Variants in SMOC1 observed in about 807,000 individuals in gnomAD.
SMOC1 encodes SPARC related modular calcium binding 1, also known as SPARC-related modular calcium-binding protein 1.
Under a neutral mutation model 56.3 loss-of-function variants are expected in SMOC1, and 22 were observed. The observed-to-expected ratio is 0.39, with a 90% CI of 0.28 to 0.56. The LOEUF (loss-of-function observed/expected upper bound fraction) is 0.56. Among genes scored for constraint, SMOC1 ranks in the 20% least tolerant of loss-of-function variants. The probability of loss-of-function intolerance (pLI) is 0.61; values close to 1 mark genes in which losing one functional copy is unlikely to be tolerated. For synonymous variants in SMOC1, 193 were observed against 215.0 expected (o/e 0.90, Z 0.89); for missense variants, 509 against 565.4 (o/e 0.90, Z 1.01).
chr14:69,991,396 A>G (rs1164765886), intron 5 of SMOC1, among the ~76,000 whole-genome samples: 9 of 152,220 alleles, frequency 5.9e-5, no homozygotes, highest in Non-Finnish European at 1.2e-4. Flanking sequence ...GCACAAATAT[A>G]TATACTGTTT....
At chr14:70,023,783 C>A (rs530218992) in intron 11 of SMOC1, among the ~76,000 whole-genome samples, 18 of 151,854 alleles carry the variant, frequency 1.2e-4, no homozygotes, top group Admixed American at 9.8e-4. Flanking sequence ...TATAATAGTT[C>A]AGCATGGTCG....
intron 1 of SMOC1, among the ~76,000 whole-genome samples, chr14:69,936,179 A>C (rs1055334718): frequency 1.3e-5 from 2 of 152,172 alleles, no homozygotes; most frequent in South Asian, 4.1e-4. Context: ...CTAAGGGCCC[A>C]TACAGGTTAC....
At chr14:69,916,905 G>C (rs530816787) in intron 1 of SMOC1, among the ~76,000 whole-genome samples, 1 of 152,358 alleles carries the variant, frequency 6.6e-6, no homozygotes, top group East Asian at 1.9e-4. Context: ...ATGAGAGCCA[G>C]AAGCCCAGTG....
At chr14:70,021,484 C>G (rs988985246) in intron 10 of SMOC1, among the ~76,000 whole-genome samples, 5 of 152,196 alleles carry the variant, frequency 3.3e-5, no homozygotes, top group Admixed American at 2.6e-4. Context: ...GTTTCCATGA[C>G]AGACTAAGCA....
chr14:69,879,914 G>A (rs1594782995), intron 1 of SMOC1, 137 bp downstream of exon 1: 2 of 754,004 alleles, frequency 2.7e-6, no homozygotes, highest in East Asian at 3.4e-5. Flanking sequence ...GTCCCCTGCG[G>A]GCTTGGTGAA....
intron 7 of SMOC1, among the ~76,000 whole-genome samples, chr14:70,000,748 G>A (rs923979292): frequency 6.6e-6 from 1 of 152,182 alleles, no homozygotes; most frequent in African/African-American, 2.4e-5. Context: ...ACCATGGTGA[G>A]CCATGCATGA....
chr14:69,965,404 T>TAATAATAATAATAATAATAATAAA lies in SMOC1; in HGVS notation c.379-10309_379-10308insTAATAATAATAATAATAATAAAAA, dbSNP rs761154559. ...ATAATAATAATAATAATAATAATAATAAAAAGATGACCAAAGGGATACCTG... is the reference window on the plus strand; with the variant it reads ...ATAATAATAATAATAATAATAATAATAATAATAATAATAATAATAATAAAAAAAAGATGACCAAAGGGATACCTG... On this transcript the variant is annotated intron_variant, in intron 3 of 11. Transcript: ENST00000361956. Among the ~76,000 whole-genome samples the TAATAATAATAATAATAATAATAAA allele has an allele frequency of 7.5e-3, 1,123 of 149,434 alleles. 11 individuals carry two copies. Among genetic ancestry groups the TAATAATAATAATAATAATAATAAA allele is most frequent in the East Asian group, 0.021 (105 of 5,022 alleles).
chr14:70,019,247 C>T (rs1348394582), intron 10 of SMOC1, among the ~76,000 whole-genome samples: 1 of 152,204 alleles, frequency 6.6e-6, no homozygotes, highest in Admixed American at 6.5e-5. Context: ...AGGACAGTCA[C>T]AAAAACAGCC....
chr14:69,903,198 G>T (rs1398926273), intron 1 of SMOC1, among the ~76,000 whole-genome samples: 1 of 150,464 alleles, frequency 6.6e-6, no homozygotes, highest in Non-Finnish European at 1.5e-5. Context: ...GCCACCCATC[G>T]TCTGAGATGT....
intron 9 of SMOC1, 35 bp downstream of exon 9, chr14:70,011,602 C>T (rs1398331088): frequency 1.3e-6 from 2 of 1,581,098 alleles, no homozygotes; most frequent in South Asian, 2.2e-5. Context: ...GCGCCATCAC[C>T]TCCTTCTGTT....
At chr14:69,909,399 A>C (rs898483723) in intron 1 of SMOC1, among the ~76,000 whole-genome samples, 2 of 152,186 alleles carry the variant, frequency 1.3e-5, no homozygotes, top group African/African-American at 4.8e-5. Context: ...AGACTTCTCT[A>C]AGCAAATACA....
At chr14:69,906,796 T>C (rs1884420899) in intron 1 of SMOC1, among the ~76,000 whole-genome samples, 1 of 152,272 alleles carries the variant, frequency 6.6e-6, no homozygotes, top group Middle Eastern at 3.4e-3. Flanking sequence ...AATAGGAACA[T>C]CTTCAGTGCA....
At chr14:69,908,847 T>C (rs1884480247) in intron 1 of SMOC1, among the ~76,000 whole-genome samples, 1 of 152,122 alleles carries the variant, frequency 6.6e-6, no homozygotes, top group African/African-American at 2.4e-5. Context: ...TGTTTCTCTT[T>C]CCTTGCCTCT....
chr14:69,979,735 G>C (rs927939680), intron 5 of SMOC1, among the ~76,000 whole-genome samples: 2 of 152,160 alleles, frequency 1.3e-5, no homozygotes, highest in African/African-American at 2.4e-5. Flanking sequence ...AGGTAGCTGG[G>C]ACTACAGGCA....
chr14:69,994,893 G>T (rs1251668133), intron 7 of SMOC1, among the ~76,000 whole-genome samples: 4 of 152,112 alleles, frequency 2.6e-5, no homozygotes, highest in Non-Finnish European at 5.9e-5. Flanking sequence ...TTTGGTAGGG[G>T]GTCTTGTGAG....
chr14:69,985,112 GACAA>G (rs1456926271), intron 5 of SMOC1, among the ~76,000 whole-genome samples: 2 of 151,954 alleles, frequency 1.3e-5, no homozygotes, highest in Non-Finnish European at 2.9e-5. Context: ...CACCAAGGCA[GACAA>G]ACAGAGGGCA....
chr14:70,016,761 C>T (rs927056230), intron 10 of SMOC1, among the ~76,000 whole-genome samples: 1 of 152,196 alleles, frequency 6.6e-6, no homozygotes, highest in Non-Finnish European at 1.5e-5. Flanking sequence ...AAGCTCTTGC[C>T]TGTTCCAGGA....
At chr14:70,013,337 A>T in intron 9 of SMOC1, 49 bp from the exon 10 acceptor site, 2 of 1,512,532 alleles carry the variant, frequency 1.3e-6, no homozygotes, top group Non-Finnish European at 1.8e-6. Context: ...AAAGCTGTTG[A>T]CTTGATTATT....
chr14:69,912,762 T>C (rs142116990), intron 1 of SMOC1, among the ~76,000 whole-genome samples: 49 of 152,128 alleles, frequency 3.2e-4, no homozygotes, highest in African/African-American at 1.1e-3. Flanking sequence ...GGCCCTCAGT[T>C]TTTTTTTCCC....
Sources: gnomAD v4.1 joint callset for allele counts (sites outside exome capture counted in the v4.1 genomes callset) on GRCh38, gnomAD v4.1.1 for gene constraint, MANE v1.5 for transcripts, NCBI Gene and HGNC (gene_info 2026-07-23, HGNC 2026-07-21) for gene names.